Variants in CCNG1 observed in about 807,000 individuals in gnomAD.
CCNG1 encodes the protein cyclin G1, also known as cyclin-G1.
Under a neutral mutation model 30.0 loss-of-function variants are expected in CCNG1, and 13 were observed. The ratio of observed to expected loss-of-function variants is 0.43; its 90% confidence interval spans 0.28 to 0.69. CCNG1 has a LOEUF of 0.69. CCNG1 is among the 30% of genes least tolerant of loss of function. The pLI is 0.16. For synonymous variants in CCNG1, 110 were observed against 121.5 expected, an observed-to-expected ratio of 0.91 and a Z score of 0.62; for missense variants, 285 against 331.4, an observed-to-expected ratio of 0.86 and a Z score of 1.09.
rs1581167686 is a variant in CCNG1, at chr5:163,441,144, GAGGAA to G, written c.337_341del (p.Arg113CysfsTer6). On this transcript the variant is annotated frameshift_variant, in exon 3 of 7. Transcript: ENST00000340828. LOFTEE classifies it high-confidence loss of function. ...TTATTTGGCTGTAAAATCAATAGAA[GAGGAA>G]AGGAATGTCCCATTGGCAACTGACT... The G allele has an allele frequency of 6.2e-7, 1 of 1,613,810 alleles. No homozygotes were observed. The highest frequency in any genetic ancestry group is 1.3e-5 in the African/African-American group (1 of 74,922).
At chr5:163,456,915 T>C in the CCNG1 span, 1 of 1,584,018 alleles carries the variant, frequency 6.3e-7, no homozygotes, top group Non-Finnish European at 8.6e-7. Context: ...ACTCATACAC[T>C]TCATCTGACT....
At chr5:163,442,002 C>G (rs1341851063) in intron 4 of CCNG1, 38 bp downstream of exon 4, 7 of 1,579,194 alleles carry the variant, frequency 4.4e-6, no homozygotes, top group Non-Finnish European at 4.3e-6. Flanking sequence ...TTGATATGAT[C>G]TGTTTTTATA....
At chr5:163,451,644 C>A in the CCNG1 span, 3 of 152,316 alleles carry the variant, frequency 2.0e-5, no homozygotes, top group East Asian at 5.8e-4. Flanking sequence ...AATGGACTGC[C>A]ATGGCCTGGA....
intron 6 of CCNG1, among the ~76,000 whole-genome samples, chr5:163,443,181 G>A (rs982807560): frequency 3.9e-5 from 6 of 151,962 alleles, no homozygotes; most frequent in Non-Finnish European, 5.9e-5. Context: ...TCGCGGTGGC[G>A]GGCGCCTGTA....
downstream of CCNG1, chr5:163,450,471 C>T (rs1176504859): frequency 6.6e-6 from 1 of 152,114 alleles, no homozygotes; most frequent in Non-Finnish European, 1.5e-5. Context: ...TATATAAAGA[C>T]TCTTACTACC....
At chr5:163,441,849 A>T (rs368421496) in intron 3 of CCNG1, 37 bp from the exon 4 acceptor site, 1 of 1,265,420 alleles carries the variant, frequency 7.9e-7, no homozygotes, top group African/African-American at 1.5e-5. Flanking sequence ...TAGATGTAGT[A>T]TTACCTAATA....
chr5:163,442,261 C>A (rs968166351), intron 5 of CCNG1, 113 bp from the exon 6 acceptor site: 1 of 1,102,440 alleles, frequency 9.1e-7, no homozygotes, highest in Non-Finnish European at 1.3e-6. Context: ...TAGCTATCCT[C>A]AAATGTTTTT....
rs571004143 is a variant in CCNG1 at position 163,438,534 on chromosome 5, T to C, written c.1-723T>C. On this transcript the variant is annotated intron_variant, in intron 1 of 6. Coordinates refer to ENST00000340828, the MANE Select transcript of CCNG1 (RefSeq NM_004060.4). ...AATCTGTGAGGTAGGTCATAAACCTTATCCCTACTTTATCAATGTGGAACT... is the reference window on the plus strand; with the variant it reads ...AATCTGTGAGGTAGGTCATAAACCTCATCCCTACTTTATCAATGTGGAACT... Among the ~76,000 whole-genome samples the C allele has an allele frequency of 2.6e-5, 4 of 152,356 alleles. No individual in the cohort carries two copies. In the South Asian group the frequency reaches 6.2e-4, roughly 24 times the overall value.
chr5:163,451,613 C>T, the CCNG1 span: 3 of 152,074 alleles, frequency 2.0e-5, no homozygotes, highest in African/African-American at 7.2e-5. Context: ...CTAAAATGAG[C>T]AAGATAGGAA....
At chr5:163,457,172 C>G in the CCNG1 span, 1 of 1,328,380 alleles carries the variant, frequency 7.5e-7, no homozygotes, top group African/African-American at 1.5e-5. Flanking sequence ...ATCACTCTCA[C>G]CCAGGCTGGA....
chr5:163,452,550 C>T, the CCNG1 span: 6 of 151,974 alleles, frequency 3.9e-5, no homozygotes, highest in East Asian at 1.9e-4. Context: ...TATAGAGATA[C>T]GATAAATTTA....
chr5:163,447,442 C>T (rs1460211103), downstream of CCNG1: 2 of 87,852 alleles, frequency 2.3e-5, no homozygotes, highest in South Asian at 5.3e-4. Flanking sequence ...CAGGGTAAGA[C>T]TCAAAAAAAA....
At chr5:163,457,609 C>T in the CCNG1 span, 3 of 1,581,666 alleles carry the variant, frequency 1.9e-6, no homozygotes, top group Non-Finnish European at 2.6e-6. Context: ...AAAGAGTTTG[C>T]CCTGAAAAAT....
intron 1 of CCNG1, among the ~76,000 whole-genome samples, chr5:163,438,550 A>G (rs936551595): frequency 3.3e-5 from 5 of 152,214 alleles, no homozygotes; most frequent in Non-Finnish European, 5.9e-5. Flanking sequence ...TACTTTATCA[A>G]TGTGGAACTA....
downstream of CCNG1, chr5:163,448,670 G>A (rs934190320): frequency 6.6e-6 from 1 of 151,700 alleles, no homozygotes; most frequent in Non-Finnish European, 1.5e-5. Context: ...ATAACACAAG[G>A]AAAAAACAAA....
chr5:163,441,048 G>A (rs760298391), intron 2 of CCNG1, 30 bp from the exon 3 acceptor site: 1 of 1,596,230 alleles, frequency 6.3e-7, no homozygotes, highest in Non-Finnish European at 8.5e-7. Context: ...TAGAGTCATG[G>A]GCTTACTGGT....
At chr5:163,447,160 T>C (rs1758056872), downstream of CCNG1, 2 of 152,150 alleles carry the variant, frequency 1.3e-5, no homozygotes, top group African/African-American at 2.4e-5. Context: ...TAAAAATACA[T>C]GAAGAGACCA....
downstream of CCNG1, chr5:163,448,764 T>C (rs919090209): frequency 1.1e-4 from 17 of 152,142 alleles, no homozygotes; most frequent in African/African-American, 3.9e-4. Context: ...AGCTGAATAA[T>C]GTACCATGAC....
chr5:163,443,692 A>G lies in CCNG1; in HGVS notation c.*22A>G. 6.5e-7 allele frequency: 1 copy of G among 1,530,426 alleles called. No homozygotes were observed. The highest frequency in any genetic ancestry group is 1.2e-5 in the South Asian group (1 of 83,924). The allele number at this position is 1,530,426 out of a possible 1,614,324, so 94.8% of individuals were successfully genotyped here. A position where few individuals can be genotyped will look rare whatever the true frequency, so the allele number is the denominator to read the frequency against. ...TAAATAGGATTATTACAGCACCAAA[A>G]AACTTCTCTGAAGCCTTTCTCCACA... On this transcript the variant is annotated 3_prime_UTR_variant, in exon 7 of 7. Coordinates refer to ENST00000340828, the MANE Select transcript of CCNG1 (RefSeq NM_004060.4).
Sources: allele counts gnomAD v4.1 joint callset (sites outside exome capture counted in the v4.1 genomes callset), GRCh38; gene constraint gnomAD v4.1.1; transcripts MANE v1.5; gene names NCBI Gene and HGNC (gene_info 2026-07-23, HGNC 2026-07-21).